Variants in CSMD1 observed in about 807,000 individuals in gnomAD.
CSMD1 encodes the protein CUB and Sushi multiple domains 1.
Under a neutral mutation model 417.5 loss-of-function variants are expected in CSMD1, and 213 were observed. The observed-to-expected ratio is 0.51, with a 90% CI of 0.46 to 0.57. CSMD1 has a LOEUF of 0.57. Among genes scored for constraint, CSMD1 ranks in the 20% least tolerant of loss-of-function variants. The probability of loss-of-function intolerance (pLI) is 0.00; values close to 1 mark genes in which losing one functional copy is unlikely to be tolerated. For missense variants in CSMD1, 6,923 were observed against 4,529.7 expected, an observed-to-expected ratio of 1.53 and a Z score of -15.17; for synonymous variants, 2,862 against 1,736.8, an observed-to-expected ratio of 1.65 and a Z score of -16.11.
intron 3 of CSMD1, among the ~76,000 whole-genome samples, chr8:4,385,086 C>A (rs1416141707): frequency 6.6e-6 from 1 of 152,072 alleles, no homozygotes; most frequent in African/African-American, 2.4e-5. Flanking sequence ...TCCAGCACAC[C>A]CAGCTAATTT....
chr8:3,066,193 A>C (rs1812927487), intron 49 of CSMD1, among the ~76,000 whole-genome samples: 1 of 152,076 alleles, frequency 6.6e-6, no homozygotes, highest in African/African-American at 2.4e-5. Context: ...TGGCACTTAA[A>C]CTCCGCTTCA....
At chr8:4,255,361 C>G (rs376272522) in intron 3 of CSMD1, among the ~76,000 whole-genome samples, 74 of 152,186 alleles carry the variant, frequency 4.9e-4, no homozygotes, top group African/African-American at 1.7e-3. Flanking sequence ...GAGCCCAGAG[C>G]CCAGAGAAAG....
intron 7 of CSMD1, among the ~76,000 whole-genome samples, chr8:3,657,296 C>G (rs1358731493): frequency 6.6e-6 from 1 of 152,058 alleles, no homozygotes; most frequent in Non-Finnish European, 1.5e-5. Context: ...AAAAACCAGT[C>G]CCATTTACAA....
intron 3 of CSMD1, among the ~76,000 whole-genome samples, chr8:4,367,839 T>A (rs922154807): frequency 2.0e-5 from 3 of 152,154 alleles, no homozygotes; most frequent in African/African-American, 7.2e-5. Context: ...AGGATTGTGT[T>A]CTTAATTCGG....
At chr8:4,451,409 C>A (rs541975147) in intron 2 of CSMD1, among the ~76,000 whole-genome samples, 5 of 152,244 alleles carry the variant, frequency 3.3e-5, no homozygotes, top group Admixed American at 1.3e-4. Context: ...GTGCTATGAT[C>A]AGTGTTTTCC....
chr8:4,128,167 G>C (rs961131857), intron 3 of CSMD1, among the ~76,000 whole-genome samples: 1 of 151,688 alleles, frequency 6.6e-6, no homozygotes, highest in African/African-American at 2.4e-5. Context: ...TTGCACTCTT[G>C]GTCGGGGACC....
chr8:3,269,149 A>G (rs28442884), intron 26 of CSMD1, among the ~76,000 whole-genome samples: 44,301 of 152,190 alleles, frequency 0.29, 6,717 homozygotes, highest in Non-Finnish European at 0.34. Context: ...AATCAATTCA[A>G]CACGCATTCT....
At chr8:3,988,131 A>T (rs1218621478) in intron 5 of CSMD1, among the ~76,000 whole-genome samples, 1 of 152,164 alleles carries the variant, frequency 6.6e-6, no homozygotes, top group South Asian at 2.1e-4. Context: ...TCTTATTCAT[A>T]GTCATCTGCT....
intron 3 of CSMD1, among the ~76,000 whole-genome samples, chr8:4,083,114 C>A (rs922834613): frequency 1.3e-5 from 2 of 151,978 alleles, no homozygotes; most frequent in Non-Finnish European, 2.9e-5. Context: ...ATTTATAGTC[C>A]TTTTAGTATA....
At chr8:4,310,888 A>C (rs576271354) in intron 3 of CSMD1, among the ~76,000 whole-genome samples, 1 of 152,312 alleles carries the variant, frequency 6.6e-6, no homozygotes, top group African/African-American at 2.4e-5. Context: ...GTGGCCAACA[A>C]GCATATGAAA....
In CSMD1 at chr8:3,436,758, G is replaced by C. The variant is rs79021097; in HGVS notation, c.1562-27153C>G. 2.0e-5 allele frequency among the ~76,000 whole-genome samples: 3 copies of C among 152,114 alleles called. No homozygotes were observed. The South Asian group carries it at 6.2e-4, about 31-fold the overall frequency. ...ACATTGGCAATGAGCATTTTTAGGA[G>C]TAAGGCTTAAAAAAAGATATTTTCT... On this transcript the variant is annotated intron_variant, in intron 12 of 69. Transcript: ENST00000635120.
intron 5 of CSMD1, among the ~76,000 whole-genome samples, chr8:3,859,502 C>T (rs761051704): frequency 1.3e-5 from 2 of 152,156 alleles, no homozygotes; most frequent in East Asian, 1.9e-4. Flanking sequence ...CTTATATCTT[C>T]GTTTACAGCA....
chr8:3,313,646 A>C (rs1805529334), intron 23 of CSMD1, among the ~76,000 whole-genome samples: 1 of 152,234 alleles, frequency 6.6e-6, no homozygotes. Context: ...ATGTGGAGAA[A>C]TAGGAACACT....
chr8:4,461,570 G>C (rs1475738909), intron 2 of CSMD1, among the ~76,000 whole-genome samples: 1 of 149,140 alleles, frequency 6.7e-6, no homozygotes, highest in African/African-American at 2.5e-5. Context: ...GTGGGGTGTT[G>C]GGGGATACAT....
chr8:4,556,560 T>C (rs2130591280), intron 2 of CSMD1, among the ~76,000 whole-genome samples: 1 of 152,308 alleles, frequency 6.6e-6, no homozygotes, highest in Non-Finnish European at 1.5e-5. Context: ...GAGAAAATAA[T>C]ACCTACTTGT....
At chr8:4,419,881 A>C in intron 3 of CSMD1, 72 bp downstream of exon 3, 1 of 1,062,374 alleles carries the variant, frequency 9.4e-7, no homozygotes. Flanking sequence ...GTTTGTCATT[A>C]TTAATCCAGT....
chr8:4,557,156 C>A (rs887012892), intron 2 of CSMD1, among the ~76,000 whole-genome samples: 1 of 152,134 alleles, frequency 6.6e-6, no homozygotes, highest in Non-Finnish European at 1.5e-5. Context: ...CTTTTCCTTC[C>A]TGCTTAGCTC....
At chr8:3,981,500 T>TAAAAAAAAAAA (rs200296436) in intron 5 of CSMD1, among the ~76,000 whole-genome samples, 385 of 114,918 alleles carry the variant, frequency 3.4e-3, no homozygotes, top group Middle Eastern at 6.3e-3. Context: ...TAGAAAAAAG[T>TAAAAAAAAAAA]AAAAAAAAAA....
chr8:3,860,090 A>T (rs752590855), intron 5 of CSMD1, among the ~76,000 whole-genome samples: 2 of 152,100 alleles, frequency 1.3e-5, no homozygotes, highest in Non-Finnish European at 2.9e-5. Flanking sequence ...AATAGGTCAC[A>T]CTTTAAAAAG....
Sources: allele counts gnomAD v4.1 joint callset (sites outside exome capture counted in the v4.1 genomes callset), GRCh38; gene constraint gnomAD v4.1.1; transcripts MANE v1.5; gene names NCBI Gene and HGNC (gene_info 2026-07-23, HGNC 2026-07-21).